Variants in CDH16 observed in about 807,000 individuals in gnomAD.
CDH16 encodes cadherin 16, also known as cadherin-16.
A neutral mutation model predicts 87.6 loss-of-function variants in CDH16; 79 were observed. The ratio of observed to expected loss-of-function variants is 0.90; its 90% CI spans 0.75 to 1.09. The LOEUF is 1.09. CDH16 is among the 50% of genes least tolerant of loss of function. The pLI is 0.00. For synonymous variants in CDH16, 457 were observed against 439.5 expected, an observed-to-expected ratio of 1.04 and a Z score of -0.50; for missense variants, 1,124 against 1,071.7, an observed-to-expected ratio of 1.05 and a Z score of -0.68.
At chr16:66,913,090 G>A in intron 9 of CDH16, 41 bp downstream of exon 9, 1 of 1,575,556 alleles carries the variant, frequency 6.3e-7, no homozygotes, top group South Asian at 1.2e-5. Flanking sequence ...AAGACCAGGT[G>A]GTTAATAGAG....
At chr16:66,917,573 C>T (rs1962733960) in intron 3 of CDH16, 69 bp downstream of exon 3, 7 of 1,078,926 alleles carry the variant, frequency 6.5e-6, no homozygotes, top group Non-Finnish European at 9.9e-6. Context: ...GGAAGGGTGC[C>T]AGAGGAAGGA....
In CDH16 at chr16:66,916,668, C is replaced by T. The variant is rs1046724676; in HGVS notation, c.130-239G>A. Reference sequence around the variant, plus strand: ...TTTCTGAAGCTTGAAACCTCACCACCGAGATTTCGTTCTTTAATCTAAAGC... The same window carrying T: ...TTTCTGAAGCTTGAAACCTCACCACTGAGATTTCGTTCTTTAATCTAAAGC... On this transcript the variant is annotated intron_variant, in intron 3 of 17. Transcript: ENST00000299752. This position sits in a 1 kb window ranked among gnomAD's most constrained non-coding sequence, Gnocchi z 4.1. Among the ~76,000 whole-genome samples the T allele has an allele frequency of 2.6e-5, 4 of 152,178 alleles. No individual in the cohort carries two copies. The highest frequency in any genetic ancestry group is 2.1e-4 in the South Asian group (1 of 4,824).
chr16:66,910,682 C>T (rs1017242604), intron 14 of CDH16, 180 bp from the exon 15 acceptor site: 12 of 650,058 alleles, frequency 1.8e-5, no homozygotes, highest in African/African-American at 1.9e-5. Context: ...CTGACTTTGG[C>T]GGAGCTCACT....
At chr16:66,908,813 C>A (rs1418618268) in intron 17 of CDH16, among the ~76,000 whole-genome samples, 1 of 152,106 alleles carries the variant, frequency 6.6e-6, no homozygotes, top group Non-Finnish European at 1.5e-5. Context: ...GTGCTAGAAC[C>A]AGCAAGGAAA....
In CDH16 at chr16:66,913,282, C is replaced by A. The variant is rs752406316; in HGVS notation, c.904-1G>T. The A allele has an allele frequency of 6.4e-7, 1 of 1,550,408 alleles. No homozygotes were observed. Among genetic ancestry groups the A allele is most frequent in the Non-Finnish European group, 8.7e-7 (1 of 1,147,226 alleles). On this transcript the variant is annotated splice_acceptor_variant, in intron 8 of 17. Coordinates refer to ENST00000299752, the MANE Select transcript of CDH16 (RefSeq NM_004062.4). LOFTEE classifies it high-confidence loss of function. ...TCTGAGCCCGCACCTGGAGCAGGTA[C>A]TGCGGTGGGCAGTAGGGGGCTTCAG... is the stretch of plus-strand genomic sequence containing the variant.
chr16:66,912,161 T>A (rs1272628005), intron 12 of CDH16, 21 bp from the exon 13 acceptor site: 13 of 1,609,198 alleles, frequency 8.1e-6, no homozygotes, highest in African/African-American at 4.0e-5. Context: ...GAGGCCCAGG[T>A]CACTGTGCGG....
Position 66,912,137 on chromosome 16 carries a change from G to T in CDH16, c.1552C>A (p.Leu518Ile), listed in dbSNP as rs772440500. 2 of 1,611,554 alleles carry T rather than the reference G, an allele frequency of 1.2e-6. No homozygotes were observed. Among genetic ancestry groups the T allele is most frequent in the South Asian group, 1.1e-5 (1 of 90,984 alleles). The change falls in exon 13 of 18, where the codon CTC (leucine) becomes ATC (isoleucine). Residue 518 changes from leucine (L) to isoleucine (I), a missense_variant. By Grantham distance (5) the Leu-to-Ile change is conservative. Coordinates refer to ENST00000299752, the MANE Select transcript of CDH16 (RefSeq NM_004062.4). ...GHVRLRLCKNLSYEAAPSHEV... is the reference protein window; with the variant it reads ...GHVRLRLCKNISYEAAPSHEV... ...TGACTTGGAGCTGCCTCATAACTGA[G>T]GTTCTGGAACCAGGAGGCCCAGGTC... is the stretch of plus-strand genomic sequence containing the variant.
intron 12 of CDH16, 42 bp downstream of exon 12, chr16:66,912,200 C>A (rs558252311): frequency 1.9e-6 from 3 of 1,598,962 alleles, no homozygotes; most frequent in Non-Finnish European, 2.6e-6. Flanking sequence ...TGCATGCATG[C>A]GTGCATGTGT....
At chr16:66,910,741 C>T (rs1270175640) in intron 14 of CDH16, 1 of 435,722 alleles carries the variant, frequency 2.3e-6, no homozygotes, top group Non-Finnish European at 4.0e-6. Context: ...TTGAAACCTG[C>T]CTCCCGGGGC....
At position 66,908,206 on chromosome 16, in the gene CDH16, G is replaced by A; in HGVS notation, c.*186C>T. ...GACATTTGGAGCACTCCCATGGGCAGTCCATAAAGTTGGTGTCCAGGCTCT... is the reference window on the plus strand; with the variant it reads ...GACATTTGGAGCACTCCCATGGGCAATCCATAAAGTTGGTGTCCAGGCTCT... On this transcript the variant is annotated 3_prime_UTR_variant, in exon 18 of 18. Coordinates refer to ENST00000299752, the MANE Select transcript of CDH16 (RefSeq NM_004062.4). 3.3e-6 allele frequency: 2 copies of A among 601,184 alleles called. No homozygotes were observed. Among genetic ancestry groups the A allele is most frequent in the Non-Finnish European group, 5.9e-6 (2 of 337,072 alleles). 37.2% of individuals were successfully genotyped at this position (601,184 alleles called of 1,614,324 possible).
intron 10 of CDH16, 30 bp from the exon 11 acceptor site, chr16:66,912,610 T>C (rs2145456134): frequency 1.9e-6 from 3 of 1,613,992 alleles, no homozygotes; most frequent in Non-Finnish European, 2.5e-6. Context: ...GTTGGTGAGG[T>C]CAGGGTAGGA....
chr16:66,912,965 G>A, intron 9 of CDH16, 74 bp from the exon 10 acceptor site: 2 of 1,464,790 alleles, frequency 1.4e-6, no homozygotes, highest in East Asian at 4.6e-5. Context: ...TCCTTATTTT[G>A]TGCCAAACTA....
Position 66,912,175 on chromosome 16 carries a change from T to C in CDH16, c.1549-35A>G, listed in dbSNP as rs756030246. On this transcript the variant is annotated intron_variant, in intron 12 of 17. Coordinates refer to ENST00000299752, the MANE Select transcript of CDH16 (RefSeq NM_004062.4). ...GGAGGCCCAGGTCACTGTGCGGGCCTGGGCAAGGCACATGTGCATGCATGC... is the reference window on the plus strand; with the variant it reads ...GGAGGCCCAGGTCACTGTGCGGGCCCGGGCAAGGCACATGTGCATGCATGC... 26 of 1,605,086 alleles carry C rather than the reference T, an allele frequency of 1.6e-5. No individual in the cohort carries two copies. The East Asian group carries it at 3.8e-4, about 23-fold the overall frequency.
In CDH16 at chr16:66,915,352, A is replaced by G. The variant is rs1161059406; in HGVS notation, c.451T>C (p.Ser151Pro). 14 of 1,613,778 alleles carry G rather than the reference A, an allele frequency of 8.7e-6. No homozygotes were observed. Among genetic ancestry groups the G allele is most frequent in the Non-Finnish European group, 1.1e-5 (13 of 1,179,930 alleles). Residue 151 changes from serine to proline, a missense_variant, in exon 6 of 18, where the codon TCA becomes CCA. By Grantham distance (74) the Ser-to-Pro change is moderately conservative. Coordinates refer to ENST00000299752, the MANE Select transcript of CDH16 (RefSeq NM_004062.4). ...PGIPFLFLEA[S>P]DRDEPGTANS... ...GCTGTGCCTGGCTCATCCCGGTCTGAAGCCTCAAGGAAGAGGAAGGGGATG... is the reference window on the plus strand; with the variant it reads ...GCTGTGCCTGGCTCATCCCGGTCTGGAGCCTCAAGGAAGAGGAAGGGGATG...
rs1320068601 is a variant in CDH16, at chr16:66,916,422, A to G, written c.137T>C (p.Leu46Pro). 1 of 1,599,484 alleles carries G rather than the reference A, an allele frequency of 6.3e-7. No individual in the cohort carries two copies. The highest frequency in any genetic ancestry group is 1.7e-5 in the Admixed American group (1 of 58,482). Reference sequence around the variant, plus strand: ...CTGGCCTTCAGCCCCCTCACGGGGCAGCGGCAACTGATGGAAATGAACAGA... The same window carrying G: ...CTGGCCTTCAGCCCCCTCACGGGGCGGCGGCAACTGATGGAAATGAACAGA... ...NFPLYLTKLPLPREGAEGQIV... is the reference protein window; with the variant it reads ...NFPLYLTKLPPPREGAEGQIV... Residue 46 changes from leucine to proline, a missense_variant, in exon 4 of 18, where the codon CTG (leucine) becomes CCG (proline). Coordinates refer to ENST00000299752, the MANE Select transcript of CDH16 (RefSeq NM_004062.4). This position sits in a 1 kb window ranked among gnomAD's most constrained non-coding sequence, Gnocchi z 4.1.
Position 66,910,040 on chromosome 16 carries a change from T to C in CDH16, c.2221A>G (p.Ile741Val), listed in dbSNP as rs1480639299. The C allele has an allele frequency of 1.9e-6, 3 of 1,613,020 alleles. No homozygotes were observed. The highest frequency in any genetic ancestry group is 4.5e-5 in the East Asian group (2 of 44,874). Residue 741 changes from isoleucine (I) to valine (V), a missense_variant, in exon 16 of 18, where the codon ATA (isoleucine) becomes GTA (valine). Physicochemically the swap from Ile to Val is conservative, Grantham distance 29. Transcript: ENST00000299752. The part of the protein sequence containing the change: ...ALHWVEPREH[I>V]IPVVVSHNAQ... ...TTGTGGCTGACCACCACGGGGATTA[T>C]GTGTTCACGTGGCTCCACCCAATGC...
intron 15 of CDH16, 32 bp from the exon 16 acceptor site, chr16:66,910,125 C>T (rs1264087115): frequency 1.3e-6 from 2 of 1,586,834 alleles, no homozygotes; most frequent in African/African-American, 2.7e-5. Flanking sequence ...ACCAGGGTCA[C>T]CAGCCTGGAC....
chr16:66,911,429 G>T, intron 13 of CDH16, 114 bp from the exon 14 acceptor site: 1 of 1,105,794 alleles, frequency 9.0e-7, no homozygotes. Context: ...GTGACTCAGG[G>T]GCCACAGCAA....
intron 7 of CDH16, 97 bp from the exon 8 acceptor site, chr16:66,913,710 G>A: frequency 4.0e-6 from 6 of 1,514,324 alleles, no homozygotes; most frequent in Non-Finnish European, 5.3e-6. Context: ...CCAACTGTGT[G>A]ACCCAGGCAA....
Sources: gnomAD v4.1 joint callset for allele counts (sites outside exome capture counted in the v4.1 genomes callset) on GRCh38, gnomAD v4.1.1 for gene constraint, Gnocchi (gnomAD v3.1) non-coding constraint, MANE v1.5 for transcripts, NCBI Gene and HGNC (gene_info 2026-07-23, HGNC 2026-07-21) for gene names.